Variants in CDH13 observed in about 807,000 individuals in gnomAD.
The protein encoded by CDH13 is cadherin-13.
In CDH13, 24 loss-of-function variants were observed where a neutral mutation model predicts 63.8. The observed-to-expected ratio is 0.38, with a 90% confidence interval of 0.27 to 0.53. CDH13 has a LOEUF of 0.53. CDH13 is among the 20% of genes least tolerant of loss of function. The pLI, the probability that CDH13 is intolerant of heterozygous loss-of-function variation, is 0.85. For synonymous variants in CDH13, 503 were observed against 355.3 expected, an observed-to-expected ratio of 1.42 and a Z score of -4.67; for missense variants, 1,049 against 903.1, an observed-to-expected ratio of 1.16 and a Z score of -2.07.
intron 6 of CDH13, among the ~76,000 whole-genome samples, chr16:83,467,547 A>G (rs2073347637): frequency 6.6e-6 from 1 of 152,212 alleles, no homozygotes; most frequent in African/African-American, 2.4e-5. Flanking sequence ...CAAGAACAGA[A>G]CTGGCAACCG....
At chr16:83,090,150 C>G (rs55851998) in intron 3 of CDH13, among the ~76,000 whole-genome samples, 22,782 of 152,144 alleles carry the variant, frequency 0.15, 2,186 homozygotes, top group African/African-American at 0.27. Context: ...ACCCCAGGTC[C>G]CAGCTTCTCC....
intron 2 of CDH13, among the ~76,000 whole-genome samples, chr16:82,899,462 T>C (rs981417768): frequency 2.0e-5 from 3 of 152,232 alleles, no homozygotes; most frequent in Non-Finnish European, 2.9e-5. Flanking sequence ...AGAATCCTTA[T>C]GTTATCTAAA....
At chr16:83,438,911 T>C (rs901692543) in intron 6 of CDH13, among the ~76,000 whole-genome samples, 5 of 152,216 alleles carry the variant, frequency 3.3e-5, no homozygotes, top group African/African-American at 9.6e-5. Flanking sequence ...GTTAATCATT[T>C]CAAATGGAGG....
intron 1 of CDH13, among the ~76,000 whole-genome samples, chr16:82,723,611 G>C (rs1036334365): frequency 1.3e-5 from 2 of 152,148 alleles, no homozygotes; most frequent in African/African-American, 4.8e-5. Context: ...AGGAGTCTAG[G>C]TTCCTAAATG....
intron 2 of CDH13, among the ~76,000 whole-genome samples, chr16:82,889,640 G>A (rs552008255): frequency 2.0e-4 from 31 of 152,156 alleles, no homozygotes; most frequent in Non-Finnish European, 3.8e-4. Context: ...CTATATCTTT[G>A]TGATTAACAC....
At position 83,484,056 on chromosome 16, in the gene CDH13, C is replaced by T. The variant is rs187788538; in HGVS notation, c.782-2421C>T. On this transcript the variant is annotated intron_variant, in intron 6 of 13. Coordinates refer to ENST00000567109, the MANE Select transcript of CDH13 (RefSeq NM_001257.5). ...GGAAGTGCACCTTGAAGCATGTGGC[C>T]GGATGGCACCATTGGTGAAAATAGC... is the stretch of plus-strand genomic sequence containing the variant. Among the ~76,000 whole-genome samples, 4 of 152,240 alleles carry T rather than the reference C, an allele frequency of 2.6e-5. No individual in the cohort carries two copies. The East Asian group carries it at 5.8e-4, about 22-fold the overall frequency.
chr16:83,210,212 C>T (rs146301442), intron 4 of CDH13, among the ~76,000 whole-genome samples: 2,012 of 152,084 alleles, frequency 0.013, 42 homozygotes, highest in African/African-American at 0.045. Context: ...CTATAGGCGC[C>T]TGCCACCACG....
At chr16:83,552,946 G>A (rs2075533986) in intron 7 of CDH13, among the ~76,000 whole-genome samples, 1 of 152,106 alleles carries the variant, frequency 6.6e-6, no homozygotes, top group Non-Finnish European at 1.5e-5. Context: ...GGGAGTGGTG[G>A]CACGCACCTG....
intron 1 of CDH13, among the ~76,000 whole-genome samples, chr16:82,719,101 G>A (rs549642995): frequency 2.6e-5 from 4 of 152,288 alleles, no homozygotes; most frequent in Admixed American, 2.6e-4. Context: ...CCATGTGAAA[G>A]TTATTTGCAG....
intron 3 of CDH13, among the ~76,000 whole-genome samples, chr16:83,121,026 TGCTGGGATTACAGGCGTGATCCGCTGC>T (rs2035546585): frequency 6.6e-6 from 1 of 152,186 alleles, no homozygotes; most frequent in Non-Finnish European, 1.5e-5. Flanking sequence ...CCTCCCAAAG[TGCTGGGATTACAGGCGTGATCCGCTGC>T]GCCCAGCCAA....
Position 83,024,880 on chromosome 16 carries a change from A to G in CDH13, c.158-7130A>G, listed in dbSNP as rs562954876. 1.9e-3 allele frequency among the ~76,000 whole-genome samples: 291 copies of G among 152,304 alleles called. 1 individual carries two copies. The highest frequency in any genetic ancestry group is 0.017 in the Middle Eastern group (5 of 294). On this transcript the variant is annotated intron_variant, in intron 2 of 13. Transcript: ENST00000567109. ...GTTCACATGAAGTACGTAGGGCTTC[A>G]CCAAAACAAGTGAAGGGATTCAACA...
intron 1 of CDH13, among the ~76,000 whole-genome samples, chr16:82,842,104 A>ATGTATG (rs1409263473): frequency 1.5e-3 from 56 of 37,190 alleles, no homozygotes; most frequent in Non-Finnish European, 1.9e-3. Context: ...ATATATATAT[A>ATGTATG]TATATATGTA....
chr16:82,815,541 A>G (rs1222162225), intron 1 of CDH13, among the ~76,000 whole-genome samples: 1 of 152,306 alleles, frequency 6.6e-6, no homozygotes, highest in Non-Finnish European at 1.5e-5. Context: ...ATGTTCAGAA[A>G]CAAGCTGGTT....
chr16:82,864,322 A>C (rs1054713149), intron 2 of CDH13, among the ~76,000 whole-genome samples: 4 of 152,160 alleles, frequency 2.6e-5, no homozygotes, highest in African/African-American at 9.7e-5. Context: ...GCATGTTAGG[A>C]GGTGTATTAG....
intron 1 of CDH13, among the ~76,000 whole-genome samples, chr16:82,678,217 G>A (rs2150956400): frequency 6.6e-6 from 1 of 151,936 alleles, no homozygotes; most frequent in Non-Finnish European, 1.5e-5. Context: ...TTTCATCTCG[G>A]TATAGTTCAT....
chr16:83,056,757 C>T (rs1299312680), intron 3 of CDH13, among the ~76,000 whole-genome samples: 4 of 152,070 alleles, frequency 2.6e-5, no homozygotes, highest in Non-Finnish European at 2.9e-5. Context: ...AATTGAATCA[C>T]GGGGGTGGGT....
chr16:83,792,176 C>G (rs1391826255), intron 13 of CDH13, among the ~76,000 whole-genome samples: 2 of 152,232 alleles, frequency 1.3e-5, no homozygotes, highest in African/African-American at 4.8e-5. Flanking sequence ...TGTCTTCGGC[C>G]TGCAGACGGC....
At chr16:82,878,500 G>A (rs868673385) in intron 2 of CDH13, among the ~76,000 whole-genome samples, 1 of 98,748 alleles carries the variant, frequency 1.0e-5, no homozygotes, top group East Asian at 2.8e-3. Flanking sequence ...AGGCTTACAA[G>A]AAGGAAAGAA....
chr16:82,689,647 A>G (rs954091271), intron 1 of CDH13, among the ~76,000 whole-genome samples: 3 of 152,136 alleles, frequency 2.0e-5, no homozygotes, highest in African/African-American at 7.2e-5. Context: ...TTTAACATAA[A>G]TCAGGATCAT....
Sources: allele counts gnomAD v4.1 joint callset (sites outside exome capture counted in the v4.1 genomes callset), GRCh38; gene constraint gnomAD v4.1.1; transcripts MANE v1.5; gene names NCBI Gene and HGNC (gene_info 2026-07-23, HGNC 2026-07-21).